Variants in CADPS2 observed in about 807,000 individuals in gnomAD.
CADPS2 encodes the protein calcium dependent secretion activator 2.
A neutral mutation model predicts 172.5 loss-of-function variants in CADPS2; 93 were observed. The ratio of observed to expected loss-of-function variants is 0.54; its 90% confidence interval spans 0.46 to 0.64. The LOEUF (loss-of-function observed/expected upper bound fraction) is 0.64, where lower values mean the gene tolerates loss of function less well. Among genes scored for constraint, CADPS2 ranks in the 30% least tolerant of loss-of-function variants. The pLI, the probability that CADPS2 is intolerant of heterozygous loss-of-function variation, is 0.00. For synonymous variants in CADPS2, 546 were observed against 555.2 expected (o/e 0.98, Z 0.23); for missense variants, 1,420 against 1,565.9 (o/e 0.91, Z 1.57).
At chr7:122,751,425 T>C (rs1245080091) in intron 1 of CADPS2, among the ~76,000 whole-genome samples, 3 of 152,176 alleles carry the variant, frequency 2.0e-5, no homozygotes, top group South Asian at 2.1e-4. Context: ...ACTGAGAGCA[T>C]AGTTTCGTGG....
At chr7:122,375,768 A>G (rs2042266550) in intron 25 of CADPS2, among the ~76,000 whole-genome samples, 1 of 152,126 alleles carries the variant, frequency 6.6e-6, no homozygotes, top group Non-Finnish European at 1.5e-5. Flanking sequence ...ATGAGATTAT[A>G]TCAAGTAAAA....
chr7:122,759,778 C>T (rs373310582), intron 1 of CADPS2, among the ~76,000 whole-genome samples: 45 of 152,136 alleles, frequency 3.0e-4, no homozygotes, highest in African/African-American at 4.6e-4. Flanking sequence ...AACTTATCAT[C>T]GTAATTTGAT....
chr7:122,634,839 T>G (rs2076908685), intron 3 of CADPS2, among the ~76,000 whole-genome samples: 1 of 152,166 alleles, frequency 6.6e-6, no homozygotes, highest in South Asian at 2.1e-4. Flanking sequence ...CCAAAGATTT[T>G]GGTAAGTTCT....
intron 17 of CADPS2, among the ~76,000 whole-genome samples, chr7:122,438,069 A>T (rs1474601994): frequency 1.3e-5 from 2 of 152,136 alleles, no homozygotes; most frequent in Non-Finnish European, 2.9e-5. Context: ...AACCCATGAA[A>T]ACACCTTTTG....
intron 1 of CADPS2, among the ~76,000 whole-genome samples, chr7:122,768,956 G>GAA (rs989890960): frequency 6.4e-5 from 9 of 140,466 alleles, no homozygotes; most frequent in East Asian, 4.1e-4. Context: ...GCCATTATCA[G>GAA]AAAAAAAAAA....
intron 1 of CADPS2, among the ~76,000 whole-genome samples, chr7:122,807,608 C>T (rs1220573485): frequency 6.6e-6 from 1 of 152,166 alleles, no homozygotes; most frequent in Non-Finnish European, 1.5e-5. Context: ...GTGGCTTAAG[C>T]AACAGAAATT....
chr7:122,547,121 T>A (rs1199101323), intron 8 of CADPS2, among the ~76,000 whole-genome samples: 2 of 151,832 alleles, frequency 1.3e-5, no homozygotes, highest in Non-Finnish European at 2.9e-5. Flanking sequence ...ACATAATACA[T>A]CATTCTTACA....
At chr7:122,870,330 TTAAATC>T (rs1314777733) in intron 1 of CADPS2, among the ~76,000 whole-genome samples, 1 of 151,896 alleles carries the variant, frequency 6.6e-6, no homozygotes, top group East Asian at 1.9e-4. Flanking sequence ...AAAATAGACT[TTAAATC>T]AAAAACTGTA....
chr7:122,568,875 G>C (rs2132442787), intron 7 of CADPS2, among the ~76,000 whole-genome samples: 1 of 152,180 alleles, frequency 6.6e-6, no homozygotes, highest in Non-Finnish European at 1.5e-5. Context: ...TTTGAAATAT[G>C]ATTAAGAGAA....
chr7:122,853,431 T>C (rs1019298472), intron 1 of CADPS2, among the ~76,000 whole-genome samples: 2 of 152,200 alleles, frequency 1.3e-5, no homozygotes, highest in African/African-American at 2.4e-5. Context: ...GCAGCTCCCT[T>C]GTTGGCTCTG....
chr7:122,590,336 G>T (rs1311919392), intron 6 of CADPS2, among the ~76,000 whole-genome samples: 1 of 151,872 alleles, frequency 6.6e-6, no homozygotes, highest in Non-Finnish European at 1.5e-5. Flanking sequence ...ATGGTCAAAT[G>T]TAATGCATAT....
At chr7:122,379,314 C>T in intron 25 of CADPS2, 54 bp downstream of exon 25, 1 of 1,102,404 alleles carries the variant, frequency 9.1e-7, no homozygotes, top group Non-Finnish European at 1.3e-6. Flanking sequence ...TTAAAAAATT[C>T]TCCATTGACA....
chr7:122,331,594 A>G (rs746774938), intron 28 of CADPS2, among the ~76,000 whole-genome samples: 6 of 152,212 alleles, frequency 3.9e-5, no homozygotes, highest in Non-Finnish European at 7.3e-5. Context: ...AGCTGAGATC[A>G]CGCCACTGCA....
At chr7:122,784,278 G>A (rs1470659237) in intron 1 of CADPS2, among the ~76,000 whole-genome samples, 1 of 151,972 alleles carries the variant, frequency 6.6e-6, no homozygotes, top group Non-Finnish European at 1.5e-5. Flanking sequence ...CAACTTTCAG[G>A]TCGTTGGGTA....
At chr7:122,327,832 C>T (rs2034174605) in intron 28 of CADPS2, among the ~76,000 whole-genome samples, 1 of 151,708 alleles carries the variant, frequency 6.6e-6, no homozygotes, top group Non-Finnish European at 1.5e-5. Flanking sequence ...AAAAAGAGAA[C>T]TATTATTAAG....
intron 1 of CADPS2, among the ~76,000 whole-genome samples, chr7:122,865,175 A>T (rs1429920645): frequency 2.0e-5 from 3 of 152,122 alleles, no homozygotes; most frequent in African/African-American, 7.2e-5. Flanking sequence ...TTCTTCTCTC[A>T]CCATGTAATC....
At chr7:122,726,512 A>T (rs931823408) in intron 2 of CADPS2, among the ~76,000 whole-genome samples, 4 of 151,982 alleles carry the variant, frequency 2.6e-5, no homozygotes, top group African/African-American at 7.2e-5. Context: ...TTCTCTCAAG[A>T]TCTATCCCTG....
intron 6 of CADPS2, among the ~76,000 whole-genome samples, chr7:122,596,240 C>G (rs201918522): frequency 1.3e-5 from 2 of 152,192 alleles, no homozygotes; most frequent in East Asian, 3.9e-4. Context: ...AACATTTAAG[C>G]TCATTTTGTT....
intron 29 of CADPS2, among the ~76,000 whole-genome samples, chr7:122,324,961 G>A (rs1269962846): frequency 6.6e-6 from 1 of 151,988 alleles, no homozygotes. Flanking sequence ...CAGTAGTTTT[G>A]GGTGGTCTCC....
Sources: allele counts gnomAD v4.1 joint callset (sites outside exome capture counted in the v4.1 genomes callset), GRCh38; gene constraint gnomAD v4.1.1; transcripts MANE v1.5; gene names NCBI Gene and HGNC (gene_info 2026-07-23, HGNC 2026-07-21).